The following ITGA9 variants were observed in gnomAD, a reference collection of about 807,000 sequenced individuals.
The protein encoded by ITGA9 is integrin alpha-9.
In ITGA9, 56 loss-of-function variants were observed where a neutral mutation model predicts 127.8. The observed-to-expected ratio is 0.44, with a 90% CI of 0.35 to 0.55. The LOEUF is 0.55. Among genes scored for constraint, ITGA9 ranks in the 20% least tolerant of loss-of-function variants. ITGA9 has a pLI of 0.00. For missense variants in ITGA9, 1,196 were observed against 1,347.1 expected (o/e 0.89, Z 1.76); for synonymous variants, 508 against 514.5 (o/e 0.99, Z 0.17).
chr3:37,566,710 G>T (rs1243918993), intron 15 of ITGA9, among the ~76,000 whole-genome samples: 1 of 152,188 alleles, frequency 6.6e-6, no homozygotes, highest in Non-Finnish European at 1.5e-5. Context: ...ATTGCCTCTG[G>T]CTTGTGGCTG....
At chr3:37,756,433 A>G (rs1696653450) in intron 23 of ITGA9, among the ~76,000 whole-genome samples, 1 of 152,160 alleles carries the variant, frequency 6.6e-6, no homozygotes, top group Non-Finnish European at 1.5e-5. Flanking sequence ...AAATCATCAC[A>G]CAAGTAGGAG....
chr3:37,659,644 G>T (rs1239248150), intron 17 of ITGA9, among the ~76,000 whole-genome samples: 1 of 151,926 alleles, frequency 6.6e-6, no homozygotes, highest in East Asian at 1.9e-4. Flanking sequence ...TAGCTCAGAG[G>T]AGTTTGTTAT....
chr3:37,693,829 C>T (rs1022416772), intron 18 of ITGA9, among the ~76,000 whole-genome samples: 1 of 152,178 alleles, frequency 6.6e-6, no homozygotes, highest in Admixed American at 6.5e-5. Context: ...CCTTCACTGC[C>T]GCTTTCATTC....
intron 27 of ITGA9, among the ~76,000 whole-genome samples, chr3:37,813,262 C>T (rs760997321): frequency 6.6e-6 from 1 of 152,108 alleles, no homozygotes; most frequent in Non-Finnish European, 1.5e-5. Flanking sequence ...CATTTAATAC[C>T]CCAATAAACC....
intron 15 of ITGA9, among the ~76,000 whole-genome samples, chr3:37,602,939 T>A (rs1339784458): frequency 6.6e-6 from 1 of 152,206 alleles, no homozygotes. Flanking sequence ...GCTGCTACCC[T>A]CTAATGTTCT....
intron 18 of ITGA9, among the ~76,000 whole-genome samples, chr3:37,707,725 A>G (rs941434699): frequency 3.9e-5 from 6 of 152,166 alleles, no homozygotes; most frequent in African/African-American, 1.4e-4. Flanking sequence ...CTGTTCTGCA[A>G]TTGTTCTTTT....
chr3:37,660,826 T>G (rs1452040836), intron 17 of ITGA9, among the ~76,000 whole-genome samples: 1 of 152,228 alleles, frequency 6.6e-6, no homozygotes, highest in Non-Finnish European at 1.5e-5. Context: ...GAGGGTAGGT[T>G]CTAGGCTTGG....
intron 18 of ITGA9, among the ~76,000 whole-genome samples, chr3:37,730,750 C>T (rs1410266549): frequency 6.6e-6 from 1 of 152,166 alleles, no homozygotes; most frequent in Non-Finnish European, 1.5e-5. Flanking sequence ...AGCTTGCCAT[C>T]CATGAGTGTT....
At chr3:37,817,479 A>T (rs112114411) in intron 27 of ITGA9, among the ~76,000 whole-genome samples, 4,984 of 152,274 alleles carry the variant, frequency 0.033, 275 homozygotes, top group African/African-American at 0.11. Context: ...GGAAGCCAAT[A>T]AAAGATTTGT....
At chr3:37,618,644 G>C (rs6788921) in intron 15 of ITGA9, among the ~76,000 whole-genome samples, 125,340 of 152,234 alleles carry the variant, frequency 0.82, 52,253 homozygotes, top group African/African-American at 0.94. Context: ...TGTTAACCTA[G>C]TCAAGCCTTG....
At chr3:37,750,603 A>C in intron 23 of ITGA9, 34 bp downstream of exon 23, 1 of 1,446,044 alleles carries the variant, frequency 6.9e-7, no homozygotes. Context: ...TATTGCTTTC[A>C]GCTTTGAGCC....
chr3:37,748,225 A>T, intron 22 of ITGA9: 1 of 469,280 alleles, frequency 2.1e-6, no homozygotes, highest in Non-Finnish European at 4.1e-6. Flanking sequence ...GAAAGGTGAC[A>T]TTATAGACAT....
chr3:37,513,996 G>A (rs759556176), intron 9 of ITGA9, 96 bp downstream of exon 9: 3 of 1,423,948 alleles, frequency 2.1e-6, no homozygotes, highest in Non-Finnish European at 3.0e-6. Flanking sequence ...GGCACTGGGG[G>A]CAATGTTACC....
chr3:37,653,589 G>C, intron 16 of ITGA9, 125 bp from the exon 17 acceptor site: 2 of 788,950 alleles, frequency 2.5e-6, no homozygotes, highest in Admixed American at 1.7e-5. Flanking sequence ...TTTTGGAGGT[G>C]GGAGTAGAAG....
At chr3:37,647,453 G>GTTT (rs58911100) in intron 16 of ITGA9, among the ~76,000 whole-genome samples, 6,316 of 141,648 alleles carry the variant, frequency 0.045, 160 homozygotes, top group Middle Eastern at 0.087. Flanking sequence ...GCCTAACATA[G>GTTT]TTTTTTTTTT....
chr3:37,777,319 T>C, intron 23 of ITGA9, 73 bp from the exon 24 acceptor site: 1 of 1,567,796 alleles, frequency 6.4e-7, no homozygotes, highest in South Asian at 1.1e-5. Context: ...CTCCTGCCTC[T>C]ACAATAAGAG....
intron 5 of ITGA9, among the ~76,000 whole-genome samples, chr3:37,499,127 G>A (rs2125567992): frequency 6.6e-6 from 1 of 152,368 alleles, no homozygotes; most frequent in South Asian, 2.1e-4. Flanking sequence ...GCCTGACATT[G>A]AGGATTAGAG....
chr3:37,625,764 T>C (rs1700170650), intron 15 of ITGA9, among the ~76,000 whole-genome samples: 1 of 152,214 alleles, frequency 6.6e-6, no homozygotes, highest in Middle Eastern at 3.2e-3. Context: ...ATTGTGCTGC[T>C]ACTTTTCCTT....
At position 37,543,057 on chromosome 3, in the gene ITGA9, A is replaced by C. The variant is rs191034169; in HGVS notation, c.1689+472A>C. 1.9e-3 allele frequency among the ~76,000 whole-genome samples: 286 copies of C among 152,184 alleles called. 1 individual carries two copies. The highest frequency in any genetic ancestry group is 0.01 in the Middle Eastern group (3 of 294). On this transcript the variant is annotated intron_variant, in intron 15 of 27. Transcript: ENST00000264741. ...GATTCTTCCCCCTTGACTACTTTCT[A>C]TTTATTTTAGGATGCATTTTTTGGC...
Sources: allele counts gnomAD v4.1 joint callset (sites outside exome capture counted in the v4.1 genomes callset), GRCh38; gene constraint gnomAD v4.1.1; transcripts MANE v1.5; gene names NCBI Gene and HGNC (gene_info 2026-07-23, HGNC 2026-07-21).